SHC4: variants seen among roughly 807,000 people sequenced by gnomAD.
SHC4 encodes the protein SHC-transforming protein 4.
Under a neutral mutation model 69.4 loss-of-function variants are expected in SHC4, and 41 were observed. The ratio of observed to expected loss-of-function variants is 0.59; its 90% CI spans 0.46 to 0.77. SHC4 has a LOEUF of 0.77. Ranked by LOEUF, SHC4 falls within the 30% of genes least tolerant of loss-of-function variation. The pLI is 0.00. For missense variants in SHC4, 777 were observed against 783.8 expected (o/e 0.99, Z 0.10); for synonymous variants, 318 against 299.3 (o/e 1.06, Z -0.64).
intron 2 of SHC4, among the ~76,000 whole-genome samples, chr15:48,904,525 C>A (rs1277396700): frequency 1.3e-5 from 2 of 152,052 alleles, no homozygotes; most frequent in Admixed American, 6.6e-5. Flanking sequence ...ACTTGTGGAC[C>A]CCAAGGCTGT....
intron 1 of SHC4, among the ~76,000 whole-genome samples, chr15:48,949,370 CAAA>C (rs751634978): frequency 1.6e-5 from 1 of 64,034 alleles, no homozygotes. Context: ...GACTCCGTCT[CAAA>C]AAAAAAAAAA....
chr15:48,876,658 T>A, intron 4 of SHC4: 2 of 658,944 alleles, frequency 3.0e-6, no homozygotes, highest in South Asian at 1.6e-5. Flanking sequence ...GCAGGAAGCA[T>A]CCAACACAGG....
intron 2 of SHC4, among the ~76,000 whole-genome samples, chr15:48,906,287 A>T (rs1201647714): frequency 6.6e-6 from 1 of 152,238 alleles, no homozygotes; most frequent in African/African-American, 2.4e-5. Flanking sequence ...TTTTGCAAAT[A>T]TTAGATTTTA....
chr15:48,886,686 A>AT (rs1385052020), intron 3 of SHC4, among the ~76,000 whole-genome samples: 1 of 152,258 alleles, frequency 6.6e-6, no homozygotes, highest in East Asian at 1.9e-4. Flanking sequence ...TTTAGTATTA[A>AT]TAATAAAGTA....
intron 1 of SHC4, among the ~76,000 whole-genome samples, chr15:48,931,296 T>C (rs1370485566): frequency 6.6e-6 from 1 of 152,228 alleles, no homozygotes; most frequent in Non-Finnish European, 1.5e-5. Context: ...GTCTCTAGCA[T>C]GTACACTCCT....
chr15:48,873,827 A>G (rs750562629), intron 4 of SHC4, among the ~76,000 whole-genome samples: 1 of 152,232 alleles, frequency 6.6e-6, no homozygotes, highest in Non-Finnish European at 1.5e-5. Context: ...TACAAAACTA[A>G]TAAGAATCAT....
In SHC4 at chr15:48,897,960, C is replaced by T. The variant is rs138976052; in HGVS notation, c.657-7149G>A. Among the ~76,000 whole-genome samples the T allele has an allele frequency of 3.2e-3, 485 of 152,292 alleles. 4 individuals carry two copies. The highest frequency in any genetic ancestry group is 0.011 in the African/African-American group (473 of 41,562). Reference sequence around the variant, plus strand: ...TCTTTCTTTCACTTTGCATCTCCAACGTAAGTCCTTAAAGAAATCAGTTAA... The same window carrying T: ...TCTTTCTTTCACTTTGCATCTCCAATGTAAGTCCTTAAAGAAATCAGTTAA... On this transcript the variant is annotated intron_variant, in intron 2 of 11. Transcript: ENST00000332408.
Position 48,823,993 on chromosome 15 carries a change from T to C in SHC4, c.*1978A>G, listed in dbSNP as rs1898645031. On this transcript the variant is annotated 3_prime_UTR_variant, in exon 12 of 12. Transcript: ENST00000332408. ...CATTTACAGTCATTGCATCTATTTG[T>C]ATCAGGAACTCTTGCTACCAAGTTA... 1 of 152,230 alleles carries C rather than the reference T, an allele frequency of 6.6e-6. No individual in the cohort carries two copies. Among genetic ancestry groups the C allele is most frequent in the African/African-American group, 2.4e-5 (1 of 41,446 alleles). The allele number at this position is 152,230 out of a possible 1,614,324, so 9.4% of individuals were successfully genotyped here.
chr15:48,864,768 A>G (rs1296712696), intron 6 of SHC4, among the ~76,000 whole-genome samples: 4 of 152,136 alleles, frequency 2.6e-5, no homozygotes, highest in Admixed American at 6.5e-5. Context: ...TTTTAAAGAC[A>G]CAACTGCCAG....
At chr15:48,867,133 G>C (rs2140990415) in intron 6 of SHC4, among the ~76,000 whole-genome samples, 1 of 152,304 alleles carries the variant, frequency 6.6e-6, no homozygotes, top group African/African-American at 2.4e-5. Flanking sequence ...ATACAAACAA[G>C]TGCAATATGT....
intron 10 of SHC4, 27 bp from the exon 11 acceptor site, chr15:48,835,049 T>G: frequency 6.3e-7 from 1 of 1,587,788 alleles, no homozygotes; most frequent in East Asian, 2.3e-5. Context: ...AAGAGAGACA[T>G]CATCGAGTTA....
chr15:48,842,495 A>C (rs1008137066), intron 10 of SHC4, among the ~76,000 whole-genome samples: 2 of 152,214 alleles, frequency 1.3e-5, no homozygotes, highest in Admixed American at 1.3e-4. Context: ...GAAACCTAAA[A>C]CAACTCCACA....
intron 4 of SHC4, among the ~76,000 whole-genome samples, chr15:48,876,189 C>T (rs749760714): frequency 3.9e-5 from 6 of 152,128 alleles, no homozygotes; most frequent in South Asian, 4.1e-4. Flanking sequence ...ACTTCAGGGA[C>T]GAACAACAAC....
intron 1 of SHC4, among the ~76,000 whole-genome samples, chr15:48,925,801 T>A (rs1484492268): frequency 2.0e-5 from 3 of 152,126 alleles, no homozygotes; most frequent in Admixed American, 2.0e-4. Context: ...TAAGTTAGGA[T>A]GACCCTGTGG....
intron 4 of SHC4, chr15:48,878,476 G>C: frequency 6.2e-7 from 1 of 1,613,902 alleles, no homozygotes; most frequent in Non-Finnish European, 8.5e-7. Context: ...ACGAGGGCGA[G>C]GAATTTGATG....
At chr15:48,869,110 GAGAATTTAC>G (rs1899616922) in intron 5 of SHC4, among the ~76,000 whole-genome samples, 1 of 152,186 alleles carries the variant, frequency 6.6e-6, no homozygotes, top group Admixed American at 6.5e-5. Context: ...AAACATTTGG[GAGAATTTAC>G]AGAATGCTAA....
chr15:48,934,569 A>G (rs1036617978), intron 1 of SHC4, among the ~76,000 whole-genome samples: 3 of 152,214 alleles, frequency 2.0e-5, no homozygotes, highest in Non-Finnish European at 4.4e-5. Flanking sequence ...AGAATTACCC[A>G]TATGACCCAG....
intron 4 of SHC4, chr15:48,877,288 C>G (rs1240785460): frequency 2.2e-6 from 1 of 461,816 alleles, no homozygotes; most frequent in Non-Finnish European, 2.9e-6. Context: ...AAGCTCAGGG[C>G]TCCCATTGAT....
At chr15:48,865,450 T>G (rs1331013351) in intron 6 of SHC4, among the ~76,000 whole-genome samples, 2 of 152,194 alleles carry the variant, frequency 1.3e-5, no homozygotes, top group Admixed American at 1.3e-4. Context: ...AGTTATCTTC[T>G]TGGACACACC....
Sources: allele counts gnomAD v4.1 joint callset (sites outside exome capture counted in the v4.1 genomes callset), GRCh38; gene constraint gnomAD v4.1.1; transcripts MANE v1.5; gene names NCBI Gene and HGNC (gene_info 2026-07-23, HGNC 2026-07-21).